Variants in APLP2 observed in about 807,000 individuals in gnomAD.
APLP2 encodes amyloid beta precursor like protein 2.
APLP2 carries 53 observed loss-of-function variants against 89.9 expected under a neutral mutation model. The ratio of observed to expected loss-of-function variants is 0.59; its 90% CI spans 0.47 to 0.74. The LOEUF is 0.74. Ranked by LOEUF, APLP2 falls within the 30% of genes least tolerant of loss-of-function variation. The pLI, the probability that APLP2 is intolerant of heterozygous loss-of-function variation, is 0.00. For synonymous variants in APLP2, 372 were observed against 348.6 expected (o/e 1.07, Z -0.75); for missense variants, 973 against 975.9 (o/e 1.00, Z 0.04).
intron 1 of APLP2, among the ~76,000 whole-genome samples, chr11:130,086,338 T>C (rs1944117638): frequency 1.3e-5 from 2 of 152,272 alleles, no homozygotes; most frequent in African/African-American, 4.8e-5. Context: ...TGGAAAAATG[T>C]CCGTTGAAGT....
At chr11:130,096,017 T>C (rs950099029) in intron 1 of APLP2, among the ~76,000 whole-genome samples, 4 of 152,202 alleles carry the variant, frequency 2.6e-5, no homozygotes, top group African/African-American at 4.8e-5. Flanking sequence ...CGTTTCAGAT[T>C]GCTTGAGAGA....
chr11:130,143,220 G>A (rs1000545026), intron 16 of APLP2, 127 bp from the exon 17 acceptor site: 35 of 803,834 alleles, frequency 4.4e-5, no homozygotes, highest in East Asian at 2.9e-4. Flanking sequence ...TGGCCTGTCC[G>A]GTGGGAACGG....
At chr11:130,074,909 G>A (rs1941836243) in intron 1 of APLP2, among the ~76,000 whole-genome samples, 1 of 152,194 alleles carries the variant, frequency 6.6e-6, no homozygotes, top group African/African-American at 2.4e-5. Flanking sequence ...GGGGCCAGTT[G>A]AGAGAGAATT....
Position 130,141,870 on chromosome 11 carries a change from C to T in APLP2, c.1999-49C>T. ...CCTCAGTGAGTTACTTGCCTCACGG[C>T]TGCCAGATGGTCACTGGGACTTTTT... On this transcript the variant is annotated intron_variant, in intron 15 of 16. Coordinates refer to ENST00000338167, the MANE Select transcript of APLP2 (RefSeq NM_001142276.2). This position sits in a 1 kb window ranked among gnomAD's most constrained non-coding sequence, Gnocchi z 4.2. 2 of 1,565,324 alleles carry T rather than the reference C, an allele frequency of 1.3e-6. No individual in the cohort carries two copies. The highest frequency in any genetic ancestry group is 1.7e-6 in the Non-Finnish European group (2 of 1,148,400).
chr11:130,141,826 G>T lies in APLP2; in HGVS notation c.1999-93G>T. ...GTGCTACTTTGGGTTTTAGGGGCTC[G>T]ACCTTCCAGGAGCGTGGCCCTCAGT... On this transcript the variant is annotated intron_variant, in intron 15 of 16. Coordinates refer to ENST00000338167, the MANE Select transcript of APLP2 (RefSeq NM_001142276.2). The surrounding 1 kb of genome is among the most constrained non-coding windows in gnomAD (Gnocchi z 4.2). The T allele has an allele frequency of 1.4e-6, 2 of 1,479,088 alleles. No individual in the cohort carries two copies. The highest frequency in any genetic ancestry group is 1.8e-6 in the Non-Finnish European group (2 of 1,092,882). The allele number at this position is 1,479,088 out of a possible 1,614,324, so 91.6% of individuals were successfully genotyped here. A position where few individuals can be genotyped will look rare whatever the true frequency, so the allele number is the denominator to read the frequency against.
chr11:130,133,402 T>C (rs974311911), intron 11 of APLP2, among the ~76,000 whole-genome samples: 5 of 152,168 alleles, frequency 3.3e-5, no homozygotes, highest in South Asian at 4.1e-4. Context: ...GAATTACAGG[T>C]GTGAGCCACC....
intron 1 of APLP2, among the ~76,000 whole-genome samples, chr11:130,078,345 G>A (rs1425653101): frequency 6.6e-6 from 1 of 152,110 alleles, no homozygotes; most frequent in African/African-American, 2.4e-5. Context: ...TTGTTCTGCT[G>A]TTGATGGACG....
At chr11:130,084,049 A>G (rs1943693900) in intron 1 of APLP2, among the ~76,000 whole-genome samples, 2 of 152,168 alleles carry the variant, frequency 1.3e-5, no homozygotes. Flanking sequence ...GATCGAGACC[A>G]TCCTGGCTAA....
intron 1 of APLP2, among the ~76,000 whole-genome samples, chr11:130,098,085 A>G (rs1341288957): frequency 6.6e-6 from 1 of 152,182 alleles, no homozygotes; most frequent in Non-Finnish European, 1.5e-5. Flanking sequence ...GCTTTAAAAC[A>G]CTGGCAAAAA....
At chr11:130,135,530 C>T (rs1191511333) in intron 12 of APLP2, 33 bp from the exon 13 acceptor site, 9 of 1,608,970 alleles carry the variant, frequency 5.6e-6, no homozygotes, top group Non-Finnish European at 7.6e-6. Flanking sequence ...CCTTCTGAAG[C>T]CTGCTTTCTG....
chr11:130,130,055 G>T lies in APLP2; in HGVS notation c.1473G>T (p.Gln491His), dbSNP rs1193545492. The change falls in exon 11 of 17, where the codon CAG (glutamine) becomes CAT (histidine). Residue 491 changes from glutamine (Q) to histidine (H), a missense_variant. Physicochemically the swap from Gln to His is conservative, Grantham distance 24. Coordinates refer to ENST00000338167, the MANE Select transcript of APLP2 (RefSeq NM_001142276.2). ...TCTTGCAGCCTCATCGCATTCTCCA[G>T]GCCTTACGGCGTTATGTCCGTGCTG... ...SDPPRPHRIL[Q>H]ALRRYVRAEN... 1 of 1,614,152 alleles carries T rather than the reference G, an allele frequency of 6.2e-7. No individual in the cohort carries two copies. Among genetic ancestry groups the T allele is most frequent in the Admixed American group, 1.7e-5 (1 of 60,026 alleles).
intron 1 of APLP2, among the ~76,000 whole-genome samples, chr11:130,103,542 G>T (rs889535579): frequency 3.9e-5 from 6 of 152,120 alleles, no homozygotes; most frequent in Admixed American, 3.9e-4. Context: ...AATGCACTTA[G>T]CGCTGATGTG....
At chr11:130,122,891 T>C (rs1488156451) in intron 6 of APLP2, among the ~76,000 whole-genome samples, 1 of 152,232 alleles carries the variant, frequency 6.6e-6, no homozygotes, top group African/African-American at 2.4e-5. Context: ...GGTTTTTCTT[T>C]TCCTGCTTGT....
At chr11:130,083,443 G>T (rs1369001952) in intron 1 of APLP2, among the ~76,000 whole-genome samples, 1 of 152,120 alleles carries the variant, frequency 6.6e-6, no homozygotes, top group Non-Finnish European at 1.5e-5. Flanking sequence ...CAAATCTCTA[G>T]AACTTATGCA....
At chr11:130,083,670 T>A (rs1176320742) in intron 1 of APLP2, among the ~76,000 whole-genome samples, 2 of 152,186 alleles carry the variant, frequency 1.3e-5, no homozygotes, top group African/African-American at 4.8e-5. Flanking sequence ...ACATTTTTTT[T>A]AAGGCTGAAC....
intron 13 of APLP2, chr11:130,138,953 T>G (rs1205304282): frequency 1.3e-5 from 2 of 152,090 alleles, no homozygotes; most frequent in Non-Finnish European, 2.9e-5. Flanking sequence ...AATTCCTGCC[T>G]GTGTGACCTT....
intron 1 of APLP2, among the ~76,000 whole-genome samples, chr11:130,073,815 G>C (rs941380923): frequency 6.6e-6 from 1 of 152,180 alleles, no homozygotes; most frequent in Non-Finnish European, 1.5e-5. Context: ...CTGGGCAACA[G>C]AGCGAGACTC....
At chr11:130,120,553 A>C (rs1949699022) in intron 3 of APLP2, among the ~76,000 whole-genome samples, 153 bp from the exon 4 acceptor site, 1 of 152,216 alleles carries the variant, frequency 6.6e-6, no homozygotes, top group South Asian at 2.1e-4. Context: ...GAACTGTACC[A>C]TCCAGTCAGC....
rs1389449440 is a variant in APLP2, at chr11:130,113,144, C to T, written c.403+2483C>T. 2.3e-4 allele frequency among the ~76,000 whole-genome samples: 35 copies of T among 152,176 alleles called. 1 individual carries two copies. The highest frequency in any genetic ancestry group is 2.3e-3 in the Admixed American group (35 of 15,276). ...TATGCTGTGAACACCTTGCCAGCAG[C>T]GACCCTGTTTTAGTCTTTTTTGTCA... On this transcript the variant is annotated intron_variant, in intron 3 of 16. Coordinates refer to ENST00000338167, the MANE Select transcript of APLP2 (RefSeq NM_001142276.2).
Sources: gnomAD v4.1 joint callset for allele counts (sites outside exome capture counted in the v4.1 genomes callset) on GRCh38, gnomAD v4.1.1 for gene constraint, Gnocchi (gnomAD v3.1) non-coding constraint, MANE v1.5 for transcripts, NCBI Gene and HGNC (gene_info 2026-07-23, HGNC 2026-07-21) for gene names.